ADAM7: variants seen among roughly 807,000 people sequenced by gnomAD.
The protein encoded by ADAM7 is ADAM metallopeptidase domain 7, also known as disintegrin and metalloproteinase domain-containing protein 7.
A neutral mutation model predicts 102.9 loss-of-function variants in ADAM7; 97 were observed. The ratio of observed to expected loss-of-function variants is 0.94; its 90% CI spans 0.80 to 1.12. The LOEUF (loss-of-function observed/expected upper bound fraction) is 1.12, where lower values mean the gene tolerates loss of function less well. Among genes scored for constraint, ADAM7 ranks in the 50% most tolerant of loss-of-function variants. The pLI is 0.00. For synonymous variants in ADAM7, 334 were observed against 304.4 expected (o/e 1.10, Z -1.01); for missense variants, 991 against 908.7 (o/e 1.09, Z -1.16).
chr8:24,465,199 G>A (rs976177215), intron 4 of ADAM7, among the ~76,000 whole-genome samples: 3 of 152,130 alleles, frequency 2.0e-5, no homozygotes, highest in African/African-American at 7.2e-5. Flanking sequence ...AGGGTGTGAG[G>A]TCCCTGGAAG....
At chr8:24,477,972 C>G (rs1269413091) in intron 8 of ADAM7, among the ~76,000 whole-genome samples, 1 of 152,112 alleles carries the variant, frequency 6.6e-6, no homozygotes, top group Non-Finnish European at 1.5e-5. Flanking sequence ...GTTTCCACCT[C>G]TCTGCTGAAA....
intron 7 of ADAM7, among the ~76,000 whole-genome samples, chr8:24,470,102 A>G (rs1819555847): frequency 6.6e-6 from 1 of 152,152 alleles, no homozygotes; most frequent in African/African-American, 2.4e-5. Context: ...CTGAATATCA[A>G]AGACAAAGAA....
chr8:24,491,410 T>A (rs2129392048), intron 13 of ADAM7, among the ~76,000 whole-genome samples: 1 of 152,334 alleles, frequency 6.6e-6, no homozygotes, highest in Non-Finnish European at 1.5e-5. Context: ...GAACCCAGCG[T>A]AATTAAATTC....
intron 8 of ADAM7, among the ~76,000 whole-genome samples, chr8:24,478,988 A>G (rs368132328): frequency 6.6e-6 from 1 of 152,194 alleles, no homozygotes; most frequent in East Asian, 1.9e-4. Flanking sequence ...ATATTCATCT[A>G]GTGTTACTTT....
intron 7 of ADAM7, among the ~76,000 whole-genome samples, chr8:24,469,980 TA>T (rs1181376795): frequency 6.6e-6 from 1 of 152,046 alleles, no homozygotes; most frequent in Non-Finnish European, 1.5e-5. Context: ...ATATAAAGCT[TA>T]TAAAGAGTGA....
intron 2 of ADAM7, among the ~76,000 whole-genome samples, chr8:24,446,689 C>G (rs1043917888): frequency 6.6e-6 from 1 of 151,730 alleles, no homozygotes; most frequent in Non-Finnish European, 1.5e-5. Context: ...GACGAAAAAA[C>G]AGTATGTATA....
intron 1 of ADAM7, among the ~76,000 whole-genome samples, chr8:24,441,729 A>G (rs917855333): frequency 6.6e-6 from 1 of 152,240 alleles, no homozygotes; most frequent in Non-Finnish European, 1.5e-5. Flanking sequence ...AAATTCTTTA[A>G]CAGGTAAAGG....
At chr8:24,461,549 T>C (rs1819242713) in intron 3 of ADAM7, among the ~76,000 whole-genome samples, 1 of 152,196 alleles carries the variant, frequency 6.6e-6, no homozygotes, top group Non-Finnish European at 1.5e-5. Context: ...ATAATTCATG[T>C]CTTTCTCCAA....
chr8:24,458,989 G>A (rs961103193), intron 3 of ADAM7, among the ~76,000 whole-genome samples: 2 of 151,774 alleles, frequency 1.3e-5, no homozygotes, highest in Non-Finnish European at 2.9e-5. Context: ...GCTATTCTGT[G>A]TTTTTAGTTT....
intron 13 of ADAM7, 165 bp from the exon 14 acceptor site, chr8:24,491,738 G>C: frequency 1.8e-6 from 1 of 557,218 alleles, no homozygotes; most frequent in Non-Finnish European, 3.1e-6. Flanking sequence ...TTACATGAGT[G>C]CCAACACATT....
chr8:24,485,538 TATAG>T (rs1442578588), intron 10 of ADAM7, among the ~76,000 whole-genome samples, 177 bp downstream of exon 10: 1 of 152,188 alleles, frequency 6.6e-6, no homozygotes, highest in Non-Finnish European at 1.5e-5. Context: ...ATTGAAAAAT[TATAG>T]ATAAATATTG....
At chr8:24,500,150 G>C in intron 17 of ADAM7, 28 bp from the exon 18 acceptor site, 1 of 1,586,004 alleles carries the variant, frequency 6.3e-7, no homozygotes, top group East Asian at 2.3e-5. Flanking sequence ...TCAGTCATTT[G>C]AGAATATATC....
intron 20 of ADAM7, among the ~76,000 whole-genome samples, chr8:24,504,055 A>C (rs2129397363): frequency 1.3e-5 from 2 of 148,810 alleles, no homozygotes; most frequent in Middle Eastern, 3.4e-3. Context: ...AAATAAAATA[A>C]AATAAAATAA....
At chr8:24,499,687 A>G (rs768834264) in intron 17 of ADAM7, among the ~76,000 whole-genome samples, 5 of 152,132 alleles carry the variant, frequency 3.3e-5, no homozygotes, top group East Asian at 1.9e-4. Flanking sequence ...ATCAGCAAAC[A>G]TTGTATATTT....
At chr8:24,462,231 A>C (rs1218550242) in intron 3 of ADAM7, among the ~76,000 whole-genome samples, 2 of 152,142 alleles carry the variant, frequency 1.3e-5, no homozygotes. Context: ...GGCTACTTTT[A>C]ATCTATCCTT....
rs933281432 is a variant in ADAM7, at chr8:24,484,642, A to T, written c.876-635A>T. Among the ~76,000 whole-genome samples, 5 of 152,070 alleles carry T rather than the reference A, an allele frequency of 3.3e-5. No homozygotes were observed. In the South Asian group the frequency reaches 1.0e-3, roughly 32 times the overall value. On this transcript the variant is annotated intron_variant, in intron 9 of 21. Coordinates refer to ENST00000175238, the MANE Select transcript of ADAM7 (RefSeq NM_003817.4). ...TGTTTTTCCTTCTAAACACTTTTACATTTTACATTTCATTAATTTCTGGTC... is the reference window on the plus strand; with the variant it reads ...TGTTTTTCCTTCTAAACACTTTTACTTTTTACATTTCATTAATTTCTGGTC...
intron 3 of ADAM7, among the ~76,000 whole-genome samples, chr8:24,452,487 G>C (rs1415768685): frequency 2.6e-5 from 4 of 151,184 alleles, no homozygotes; most frequent in Non-Finnish European, 5.9e-5. Flanking sequence ...GCCTTTTTTT[G>C]TTTTCCGTTT....
chr8:24,481,793 C>T (rs1040818140), intron 8 of ADAM7, among the ~76,000 whole-genome samples: 13 of 152,180 alleles, frequency 8.5e-5, no homozygotes, highest in African/African-American at 4.8e-5. Context: ...GCACTCACAC[C>T]GCCTGCCACT....
intron 1 of ADAM7, 66 bp from the exon 2 acceptor site, chr8:24,442,407 G>GT: frequency 1.8e-6 from 2 of 1,107,196 alleles, no homozygotes; most frequent in Non-Finnish European, 2.8e-6. Flanking sequence ...GAACAATTCT[G>GT]TTTTTCAGCC....
Sources: allele counts gnomAD v4.1 joint callset (sites outside exome capture counted in the v4.1 genomes callset), GRCh38; gene constraint gnomAD v4.1.1; transcripts MANE v1.5; gene names NCBI Gene and HGNC (gene_info 2026-07-23, HGNC 2026-07-21).